Variants in RBFOX1 observed in about 807,000 individuals in gnomAD.
RBFOX1 encodes RNA binding fox-1 homolog 1, also known as RNA binding protein fox-1 homolog 1.
RBFOX1 carries 8 observed loss-of-function variants against 57.7 expected under a neutral mutation model. The observed-to-expected ratio is 0.14, with a 90% confidence interval of 0.08 to 0.25. The LOEUF is 0.25. RBFOX1 is among the 10% of genes least tolerant of loss of function. The pLI is 1.00. For missense variants in RBFOX1, 611 were observed against 548.5 expected (o/e 1.11, Z -1.14); for synonymous variants, 326 against 222.4 (o/e 1.47, Z -4.15).
intron 4 of RBFOX1, among the ~76,000 whole-genome samples, chr16:7,225,907 T>TCAATAA (rs1555600477): frequency 3.0e-4 from 39 of 131,156 alleles, no homozygotes; most frequent in African/African-American, 1.0e-3. Context: ...GTATAATAAA[T>TCAATAA]ATATATATAT....
intron 3 of RBFOX1, among the ~76,000 whole-genome samples, chr16:7,009,487 C>G (rs1218660785): frequency 1.3e-5 from 2 of 152,008 alleles, no homozygotes; most frequent in East Asian, 3.9e-4. Context: ...AGCCCAAGCA[C>G]AGGAGAAGAT....
intron 3 of RBFOX1, among the ~76,000 whole-genome samples, chr16:6,709,137 A>G (rs1296574284): frequency 6.6e-6 from 1 of 152,188 alleles, no homozygotes; most frequent in Non-Finnish European, 1.5e-5. Context: ...AAGTATCTTA[A>G]AGATGCTTTA....
chr16:5,896,618 C>T (rs1222344711), intron 4 of RBFOX1, among the ~76,000 whole-genome samples: 2 of 152,196 alleles, frequency 1.3e-5, no homozygotes, highest in African/African-American at 4.8e-5. Flanking sequence ...ATACATTACC[C>T]AGCCTCAGGT....
intron 4 of RBFOX1, among the ~76,000 whole-genome samples, chr16:5,882,610 A>G (rs558961104): frequency 1.3e-5 from 2 of 152,258 alleles, no homozygotes; most frequent in Non-Finnish European, 2.9e-5. Context: ...CAAGAGTGAA[A>G]CTAGGGGTTC....
At chr16:6,169,455 T>C (rs1056783362) in intron 1 of RBFOX1, among the ~76,000 whole-genome samples, 2 of 152,092 alleles carry the variant, frequency 1.3e-5, no homozygotes, top group Admixed American at 6.5e-5. Flanking sequence ...AAAAAAAAGC[T>C]TCAGCCAAAT....
intron 1 of RBFOX1, among the ~76,000 whole-genome samples, chr16:6,138,913 A>G (rs566218925): frequency 6.6e-6 from 1 of 152,258 alleles, no homozygotes; most frequent in East Asian, 1.9e-4. Flanking sequence ...CCTTCGCTAT[A>G]TTTTATTGGT....
intron 5 of RBFOX1, among the ~76,000 whole-genome samples, chr16:7,532,924 T>A (rs1424009816): frequency 6.6e-6 from 1 of 152,242 alleles, no homozygotes; most frequent in Non-Finnish European, 1.5e-5. Flanking sequence ...GCTGGCTGCA[T>A]TCAGGCATCG....
At chr16:7,587,034 T>C (rs2094164599) in intron 6 of RBFOX1, among the ~76,000 whole-genome samples, 1 of 152,226 alleles carries the variant, frequency 6.6e-6, no homozygotes, top group Admixed American at 6.5e-5. Context: ...GATTAATATT[T>C]TGTATCAAGC....
chr16:6,780,073 TTAC>T (rs2080405901), intron 3 of RBFOX1, among the ~76,000 whole-genome samples: 2 of 7,758 alleles, frequency 2.6e-4, no homozygotes, highest in Non-Finnish European at 3.6e-4. Context: ...TTATATATAT[TTAC>T]ATATTTATAT....
At chr16:5,355,051 G>A (rs1166254131) in intron 1 of RBFOX1, among the ~76,000 whole-genome samples, 1 of 152,102 alleles carries the variant, frequency 6.6e-6, no homozygotes, top group Non-Finnish European at 1.5e-5. Flanking sequence ...GGGACAGACA[G>A]AGAAGAGAGA....
chr16:5,972,121 C>G (rs772313228), intron 4 of RBFOX1, among the ~76,000 whole-genome samples: 1 of 152,220 alleles, frequency 6.6e-6, no homozygotes, highest in African/African-American at 2.4e-5. Flanking sequence ...AGCATGCTGA[C>G]TCATCCTGCA....
rs374292140 is a variant in RBFOX1 at position 7,411,881 on chromosome 16, C to G, written c.28-106266C>G. Among the ~76,000 whole-genome samples the G allele has an allele frequency of 6.6e-5, 7 of 105,530 alleles. No homozygotes were observed. The East Asian group carries it at 1.2e-3, about 19-fold the overall frequency. 69.2% of individuals were successfully genotyped at this position (105,530 alleles called of 152,430 possible). A position where few individuals can be genotyped will look rare whatever the true frequency, so the allele number is the denominator to read the frequency against. ...TCATGCCATTGCATTCCAGCCTGGA[C>G]AACAAGAGCAAAACTCCTTTCAAAA... On this transcript the variant is annotated intron_variant, in intron 4 of 15. Transcript: ENST00000550418.
chr16:5,836,064 T>A (rs1182686057), intron 3 of RBFOX1, among the ~76,000 whole-genome samples: 4 of 152,148 alleles, frequency 2.6e-5, no homozygotes, highest in Non-Finnish European at 5.9e-5. Context: ...TGTGAGGCAA[T>A]TTAGCAAATT....
intron 4 of RBFOX1, among the ~76,000 whole-genome samples, chr16:5,983,456 C>G (rs971876888): frequency 6.6e-6 from 1 of 152,136 alleles, no homozygotes; most frequent in African/African-American, 2.4e-5. Flanking sequence ...GGCTGGGGCC[C>G]TGGCACTGAC....
chr16:6,575,803 G>C (rs532005840), intron 2 of RBFOX1, among the ~76,000 whole-genome samples: 1 of 151,106 alleles, frequency 6.6e-6, no homozygotes, highest in Non-Finnish European at 1.5e-5. Context: ...GTTGTAGTTA[G>C]CCAAGATCAC....
intron 3 of RBFOX1, among the ~76,000 whole-genome samples, chr16:6,835,479 G>T (rs923060981): frequency 6.6e-6 from 1 of 152,050 alleles, no homozygotes; most frequent in Non-Finnish European, 1.5e-5. Context: ...TTGGCCGGGT[G>T]TGGTGGTCAC....
chr16:6,731,681 G>A (rs574266221), intron 3 of RBFOX1, among the ~76,000 whole-genome samples: 4 of 152,064 alleles, frequency 2.6e-5, no homozygotes, highest in Admixed American at 2.6e-4. Flanking sequence ...TGAGGCACAC[G>A]TTTTGAAAGT....
chr16:6,518,131 T>TA (rs1430551300), intron 2 of RBFOX1, among the ~76,000 whole-genome samples: 5 of 152,218 alleles, frequency 3.3e-5, no homozygotes, highest in African/African-American at 1.2e-4. Flanking sequence ...AAATGTGGAT[T>TA]TGTTTTTTAG....
At chr16:7,243,741 G>A (rs78790029) in intron 4 of RBFOX1, among the ~76,000 whole-genome samples, 6,759 of 152,038 alleles carry the variant, frequency 0.044, 525 homozygotes, top group African/African-American at 0.15. Flanking sequence ...GTGGAGACAG[G>A]GTTTCGCTGT....
Sources: allele counts gnomAD v4.1 joint callset (sites outside exome capture counted in the v4.1 genomes callset), GRCh38; gene constraint gnomAD v4.1.1; transcripts MANE v1.5; gene names NCBI Gene and HGNC (gene_info 2026-07-23, HGNC 2026-07-21).